Variants in TTLL10 observed in about 807,000 individuals in gnomAD.
The protein encoded by TTLL10 is tubulin tyrosine ligase like 10.
A neutral mutation model predicts 69.0 loss-of-function variants in TTLL10; 61 were observed. The ratio of observed to expected loss-of-function variants is 0.88; its 90% confidence interval spans 0.72 to 1.09. The LOEUF is 1.09. Among genes scored for constraint, TTLL10 ranks in the 50% least tolerant of loss-of-function variants. The pLI, the probability that TTLL10 is intolerant of heterozygous loss-of-function variation, is 0.00. For missense variants in TTLL10, 962 were observed against 945.9 expected (o/e 1.02, Z -0.22); for synonymous variants, 408 against 393.3 (o/e 1.04, Z -0.44).
intron 13 of TTLL10, among the ~76,000 whole-genome samples, chr1:1,195,879 C>T (rs534396902): frequency 1.3e-4 from 20 of 151,908 alleles, no homozygotes; most frequent in South Asian, 8.3e-4. Flanking sequence ...TGAGCTCAAG[C>T]GATCCTCCTG....
chr1:1,179,818 C>T (rs1646988401), intron 5 of TTLL10, 81 bp downstream of exon 5: 7 of 1,475,090 alleles, frequency 4.7e-6, no homozygotes, highest in Middle Eastern at 4.2e-4. Flanking sequence ...GGCAGGAAGC[C>T]TGGCCCTGGA....
chr1:1,176,199 GGA>G (rs778760285), intron 3 of TTLL10: 7 of 450,374 alleles, frequency 1.6e-5, no homozygotes, highest in African/African-American at 1.4e-4. Context: ...CTGTGCCGGT[GGA>G]GAGGCTGCTG....
chr1:1,180,301 G>C lies in TTLL10; in HGVS notation c.467G>C (p.Gly156Ala), dbSNP rs964071244. The change falls in exon 6 of 16, where the codon GGG becomes GCG. Residue 156 changes from glycine to alanine, a missense_variant. By Grantham distance (60) the Gly-to-Ala change is moderately conservative. Coordinates refer to ENST00000379289, the MANE Select transcript of TTLL10 (RefSeq NM_001130045.2). ...GKPSPHSTRP[G>A]PFFYIGGSNG... ...CCATCGCCCCACAGCACCCGGCCGG[G>C]GCCCTTCTTCTACATTGGAGGCAGC... The C allele has an allele frequency of 1.3e-6, 2 of 1,587,268 alleles. No homozygotes were observed. The highest frequency in any genetic ancestry group is 8.6e-7 in the Non-Finnish European group (1 of 1,167,860).
rs1429062713 is a variant in TTLL10 at position 1,193,549 on chromosome 1, C to T, written c.1402-3051C>T. On this transcript the variant is annotated intron_variant, in intron 13 of 15. Transcript: ENST00000379289. ...CGTGATCTCGGCTCACTGCAGCCCC[C>T]GCCTCCCGGATTCAAGCGATTCTCC... Among the ~76,000 whole-genome samples, 5 of 151,584 alleles carry T rather than the reference C, an allele frequency of 3.3e-5. No homozygotes were observed. The South Asian group carries it at 6.3e-4, about 19-fold the overall frequency.
chr1:1,179,139 G>C, intron 3 of TTLL10, 50 bp from the exon 4 acceptor site: 1 of 1,288,404 alleles, frequency 7.8e-7, no homozygotes, highest in Non-Finnish European at 1.1e-6. Flanking sequence ...CTGGGGCCTC[G>C]GGCCGCGCGG....
Position 1,183,789 on chromosome 1 carries a change from T to C in TTLL10, c.1089-131T>C, listed in dbSNP as rs528004518. 29 of 1,214,692 alleles carry C rather than the reference T, an allele frequency of 2.4e-5. No homozygotes were observed. In the Admixed American group the frequency reaches 2.8e-4, roughly 12 times the overall value. The allele number at this position is 1,214,692 out of a possible 1,614,324, so 75.2% of individuals were successfully genotyped here. On this transcript the variant is annotated intron_variant, in intron 11 of 15. Coordinates refer to ENST00000379289, the MANE Select transcript of TTLL10 (RefSeq NM_001130045.2). ...TATTCAGGCCCAGAAATGCCCCCTTTCCCTGGAGGTCACACCTGGGACAGA... is the reference window on the plus strand; with the variant it reads ...TATTCAGGCCCAGAAATGCCCCCTTCCCCTGGAGGTCACACCTGGGACAGA...
chr1:1,192,789 CCAG>C (rs1306039284), intron 13 of TTLL10, among the ~76,000 whole-genome samples: 3 of 116,862 alleles, frequency 2.6e-5, no homozygotes, highest in Non-Finnish European at 5.6e-5. Flanking sequence ...TGTAGACACT[CCAG>C]TTGGTATGAG....
Position 1,179,339 on chromosome 1 carries a change from T to C in TTLL10, c.118+6T>C, listed in dbSNP as rs1316254845. 3 of 1,550,602 alleles carry C rather than the reference T, an allele frequency of 1.9e-6. No individual in the cohort carries two copies. Among genetic ancestry groups the C allele is most frequent in the Non-Finnish European group, 2.6e-6 (3 of 1,146,434 alleles). Reference sequence around the variant, plus strand: ...GCCTCGGGCTCGAGTCTCAGGTGAATAGAGCAGCCCTGGGTGGCCTCCTAC... The same window carrying C: ...GCCTCGGGCTCGAGTCTCAGGTGAACAGAGCAGCCCTGGGTGGCCTCCTAC... On this transcript the variant is annotated splice_donor_region_variant and intron_variant, in intron 4 of 15. Coordinates refer to ENST00000379289, the MANE Select transcript of TTLL10 (RefSeq NM_001130045.2).
intron 3 of TTLL10, chr1:1,176,186 C>A (rs1335102929): frequency 2.2e-4 from 81 of 367,944 alleles, no homozygotes; most frequent in African/African-American, 1.2e-3. Context: ...AGAGAGGCTG[C>A]CGCTGTGCCG....
intron 11 of TTLL10, 27 bp from the exon 12 acceptor site, chr1:1,183,893 C>A (rs1647157716): frequency 1.2e-6 from 2 of 1,613,422 alleles, no homozygotes; most frequent in African/African-American, 2.7e-5. Flanking sequence ...GTGGCTCAGC[C>A]CAGCAGCCCC....
chr1:1,179,384 C>T (rs1476464095), intron 4 of TTLL10, 51 bp downstream of exon 4: 1 of 1,503,198 alleles, frequency 6.7e-7, no homozygotes, highest in Non-Finnish European at 9.1e-7. Context: ...GCCAAGGCCT[C>T]CCTGGGACGG....
chr1:1,186,778 G>A (rs1161155958), intron 13 of TTLL10, among the ~76,000 whole-genome samples: 6 of 151,986 alleles, frequency 3.9e-5, no homozygotes, highest in Admixed American at 3.9e-4. Flanking sequence ...ATATTCTTTA[G>A]AGAAATGTCT....
chr1:1,178,759 C>G (rs1646948400), intron 3 of TTLL10, among the ~76,000 whole-genome samples: 1 of 152,102 alleles, frequency 6.6e-6, no homozygotes, highest in Non-Finnish European at 1.5e-5. Flanking sequence ...ATGGCAGGTA[C>G]CAGGCGGCTG....
In TTLL10 at chr1:1,182,595, G is replaced by A. The variant is rs1433489696; in HGVS notation, c.916+149G>A. 4 of 930,978 alleles carry A rather than the reference G, an allele frequency of 4.3e-6. No individual in the cohort carries two copies. The East Asian group carries it at 1.0e-4, about 24-fold the overall frequency. The allele number at this position is 930,978 out of a possible 1,614,324, so 57.7% of individuals were successfully genotyped here. ...AGGTGGTCAGGAAGGGGCCAGGGCT[G>A]GGCCTGGTCTGGGTGGGGACTGAGG... On this transcript the variant is annotated intron_variant, in intron 10 of 15. Transcript: ENST00000379289.
rs962314173 is a variant in TTLL10, at chr1:1,196,975, A to C, written c.1519-118A>C. 8 of 1,009,164 alleles carry C rather than the reference A, an allele frequency of 7.9e-6. No individual in the cohort carries two copies. The Admixed American group carries it at 1.1e-4, about 14-fold the overall frequency. 62.5% of individuals were successfully genotyped at this position (1,009,164 alleles called of 1,614,324 possible). ...GCTTCAGTGGACAAACAGGGGAGCA[A>C]GGCTATAGGAAGGAAGCAATCTCCC... is the stretch of plus-strand genomic sequence containing the variant. On this transcript the variant is annotated intron_variant, in intron 14 of 15. Transcript: ENST00000379289.
At position 1,185,203 on chromosome 1, in the gene TTLL10, G is replaced by A. The variant is rs368596048; in HGVS notation, c.1401+94G>A. The A allele has an allele frequency of 3.3e-5, 51 of 1,547,836 alleles. No homozygotes were observed. Among genetic ancestry groups the A allele is most frequent in the African/African-American group, 2.6e-4 (19 of 72,352 alleles). Reference sequence around the variant, plus strand: ...CACCAGGCACACAGATGTCCGTGGCGTGCGTGGGCGGCTGCGCTGAAGTGT... The same window carrying A: ...CACCAGGCACACAGATGTCCGTGGCATGCGTGGGCGGCTGCGCTGAAGTGT... On this transcript the variant is annotated intron_variant, in intron 13 of 15. Transcript: ENST00000379289. This position sits in a 1 kb window ranked among gnomAD's most constrained non-coding sequence, Gnocchi z 6.1.
intron 13 of TTLL10, among the ~76,000 whole-genome samples, chr1:1,193,784 C>A (rs1268881865): frequency 1.3e-5 from 2 of 152,158 alleles, no homozygotes; most frequent in Non-Finnish European, 2.9e-5. Flanking sequence ...ATTTTAATTA[C>A]CTTGTCATTT....
Position 1,197,099 on chromosome 1 carries a change from C to T in TTLL10, c.1525C>T (p.Leu509=). 6.4e-7 allele frequency: 1 copy of T among 1,551,148 alleles called. No individual in the cohort carries two copies. Among genetic ancestry groups the T allele is most frequent in the Non-Finnish European group, 8.7e-7 (1 of 1,146,780 alleles). The change falls in exon 15 of 16, where the codon CTG becomes TTG. Residue 509 remains leucine, a synonymous_variant. Transcript: ENST00000379289. Reference sequence around the variant, plus strand: ...TGACTGGCGTCTGGGGCAGGTATGGCTGCTGGAGATGAATTCTAACCCAGC... The same window carrying T: ...TGACTGGCGTCTGGGGCAGGTATGGTTGCTGGAGATGAATTCTAACCCAGC... ...FLIDDNFKVW[L]LEMNSNPALH...
Position 1,185,114 on chromosome 1 carries a change from G to T in TTLL10, c.1401+5G>T. 1 of 1,612,758 alleles carries T rather than the reference G, an allele frequency of 6.2e-7. No individual in the cohort carries two copies. The highest frequency in any genetic ancestry group is 8.5e-7 in the Non-Finnish European group (1 of 1,179,324). Reference sequence around the variant, plus strand: ...TGGGTCTTCACCACCCTCAAGGTGCGTCCACTGTGCCCTCCAGTCTGGGAG... The same window carrying T: ...TGGGTCTTCACCACCCTCAAGGTGCTTCCACTGTGCCCTCCAGTCTGGGAG... On this transcript the variant is annotated splice_donor_5th_base_variant and intron_variant, in intron 13 of 15. Transcript: ENST00000379289. The surrounding 1 kb of genome is among the most constrained non-coding windows in gnomAD (Gnocchi z 6.1).
Sources: allele counts gnomAD v4.1 joint callset (sites outside exome capture counted in the v4.1 genomes callset), GRCh38; gene constraint gnomAD v4.1.1; non-coding constraint Gnocchi (gnomAD v3.1); transcripts MANE v1.5; gene names NCBI Gene and HGNC (gene_info 2026-07-23, HGNC 2026-07-21).